The following NRCAM variants were observed in gnomAD, a reference collection of about 807,000 sequenced individuals.
The protein encoded by NRCAM is NgCAM-related cell adhesion molecule.
Under a neutral mutation model 156.5 loss-of-function variants are expected in NRCAM, and 83 were observed. The ratio of observed to expected loss-of-function variants is 0.53; its 90% CI spans 0.44 to 0.64. NRCAM has a LOEUF of 0.64. Among genes scored for constraint, NRCAM ranks in the 30% least tolerant of loss-of-function variants. The pLI is 0.00. For missense variants in NRCAM, 1,417 were observed against 1,597.3 expected (o/e 0.89, Z 1.92); for synonymous variants, 538 against 563.9 (o/e 0.95, Z 0.65).
At chr7:108,373,409 C>T (rs982507980) in intron 2 of NRCAM, among the ~76,000 whole-genome samples, 1 of 152,106 alleles carries the variant, frequency 6.6e-6, no homozygotes, top group Non-Finnish European at 1.5e-5. Context: ...AAAAATGGCA[C>T]AAGGACATGG....
chr7:108,439,217 C>A (rs1835705183), intron 1 of NRCAM, among the ~76,000 whole-genome samples: 1 of 151,974 alleles, frequency 6.6e-6, no homozygotes, highest in Middle Eastern at 3.4e-3. Context: ...AAAGCACAAG[C>A]AACAAAAGAA....
intron 2 of NRCAM, among the ~76,000 whole-genome samples, chr7:108,338,665 CAA>C (rs1449085449): frequency 6.7e-6 from 1 of 150,364 alleles, no homozygotes; most frequent in Admixed American, 6.6e-5. Flanking sequence ...GGCAGAGAGA[CAA>C]AGAGGGAGTC....
intron 1 of NRCAM, among the ~76,000 whole-genome samples, chr7:108,404,067 G>C (rs1458575057): frequency 6.6e-6 from 1 of 152,098 alleles, no homozygotes; most frequent in Admixed American, 6.5e-5. Context: ...CCTGCCCAGA[G>C]CAATTTAACC....
At chr7:108,433,296 T>C (rs1828028326) in intron 1 of NRCAM, among the ~76,000 whole-genome samples, 1 of 152,144 alleles carries the variant, frequency 6.6e-6, no homozygotes, top group African/African-American at 2.4e-5. Flanking sequence ...TACACACTTG[T>C]AGCAGTCAGT....
chr7:108,377,214 T>C (rs1001460523), intron 2 of NRCAM, among the ~76,000 whole-genome samples: 8 of 152,136 alleles, frequency 5.3e-5, no homozygotes, highest in African/African-American at 1.7e-4. Flanking sequence ...TATTGTATTC[T>C]TGAAACAGAA....
chr7:108,322,455 C>A (rs139475427), intron 2 of NRCAM, among the ~76,000 whole-genome samples: 1 of 152,314 alleles, frequency 6.6e-6, no homozygotes, highest in Admixed American at 6.5e-5. Flanking sequence ...GGACTTGGGA[C>A]CTCCTAATGA....
chr7:108,417,380 AAG>A (rs1412076451), intron 1 of NRCAM, among the ~76,000 whole-genome samples: 1 of 152,192 alleles, frequency 6.6e-6, no homozygotes, highest in African/African-American at 2.4e-5. Flanking sequence ...GCAGAAGGAC[AAG>A]AGAGAGCAAG....
rs2098734118 is a variant in NRCAM at position 108,307,458 on chromosome 7, C to G, written c.-107+5207G>C. Among the ~76,000 whole-genome samples the G allele has an allele frequency of 2.6e-5, 4 of 152,308 alleles. No homozygotes were observed. In the South Asian group the frequency reaches 8.3e-4, roughly 32 times the overall value. ...TGCACCATATCCTACTCGACTCTTT[C>G]AATAGAAATCATTCTCTCCTGTATT... is the stretch of plus-strand genomic sequence containing the variant. On this transcript the variant is annotated intron_variant, in intron 3 of 32. Transcript: ENST00000379028.
At position 108,408,216 on chromosome 7, in the gene NRCAM, T is replaced by C. The variant is rs575107974; in HGVS notation, c.-331-8623A>G. ...ATTGCCTATCGTGTACTAGGTACTA[T>C]GCTAGGTAGCACATAGATTATATGC... On this transcript the variant is annotated intron_variant, in intron 1 of 32. Transcript: ENST00000379028. 5.3e-5 allele frequency among the ~76,000 whole-genome samples: 8 copies of C among 152,356 alleles called. No homozygotes were observed. In the East Asian group the frequency reaches 7.7e-4, roughly 15 times the overall value.
At chr7:108,349,705 G>A (rs540297219) in intron 2 of NRCAM, among the ~76,000 whole-genome samples, 3 of 151,976 alleles carry the variant, frequency 2.0e-5, no homozygotes, top group African/African-American at 7.3e-5. Context: ...TGAATAAATA[G>A]GAAGCACTCC....
chr7:108,455,915 T>A (rs1317900506), intron 1 of NRCAM, among the ~76,000 whole-genome samples: 1 of 152,040 alleles, frequency 6.6e-6, no homozygotes, highest in East Asian at 1.9e-4. Context: ...CCGGAAAGCG[T>A]GGGGTGCGGG....
rs534319924 is a variant in NRCAM at position 108,251,020 on chromosome 7, T to A, written c.-106-10850A>T. 2.0e-5 allele frequency among the ~76,000 whole-genome samples: 3 copies of A among 152,028 alleles called. No individual in the cohort carries two copies. In the South Asian group the frequency reaches 6.2e-4, roughly 32 times the overall value. On this transcript the variant is annotated intron_variant, in intron 3 of 32. Transcript: ENST00000379028. ...CAAAGTATCTAGCCTCCTAGAAGAG[T>A]CAGAACAGAAAAACCTCTGGTTTTT...
chr7:108,286,621 T>C (rs2098112136), intron 3 of NRCAM, among the ~76,000 whole-genome samples: 1 of 145,304 alleles, frequency 6.9e-6, no homozygotes, highest in African/African-American at 2.4e-5. Context: ...TATTTAATCC[T>C]CCCAAATCCT....
intron 3 of NRCAM, among the ~76,000 whole-genome samples, chr7:108,312,020 C>G (rs1185830318): frequency 6.6e-6 from 1 of 152,070 alleles, no homozygotes; most frequent in Non-Finnish European, 1.5e-5. Context: ...AAGTTCAGTA[C>G]TATAATAGAT....
intron 32 of NRCAM, among the ~76,000 whole-genome samples, chr7:108,157,269 C>G (rs908007402): frequency 6.6e-6 from 1 of 152,082 alleles, no homozygotes; most frequent in Non-Finnish European, 1.5e-5. Context: ...GTCTTTCTTT[C>G]CTGAGAAACT....
rs6958498 is a variant in NRCAM, at chr7:108,194,169, G to C, written c.1633C>G (p.Pro545Ala). The change falls in exon 17 of 33, where the codon CCT (proline) becomes GCT (alanine). Residue 545 changes from proline (P) to alanine (A), a missense_variant and splice_region_variant. Physicochemically the swap from Pro to Ala is conservative, Grantham distance 27. Transcript: ENST00000379028. The part of the protein sequence containing the change: ...KNEVHLEIKD[P>A]TWIVKQPEYA... ...TCGGGCTGTTTAACGATCCATGTAG[G>C]ATCTGAAATGTAGAGTCATCGTTAT... 1,235,538 of 1,612,338 alleles carry C rather than the reference G, an allele frequency of 0.77. 477,553 individuals are homozygous for C. The highest frequency in any genetic ancestry group is 0.87 in the East Asian group (39,168 of 44,858).
chr7:108,159,212 A>G lies in NRCAM; in HGVS notation c.3677+251T>C, dbSNP rs536483058. 1.8e-4 allele frequency: 118 copies of G among 660,122 alleles called. No individual in the cohort carries two copies. In the African/African-American group the frequency reaches 1.9e-3, roughly 11 times the overall value. The allele number at this position is 660,122 out of a possible 1,614,324, so 40.9% of individuals were successfully genotyped here. A position where few individuals can be genotyped will look rare whatever the true frequency, so the allele number is the denominator to read the frequency against. On this transcript the variant is annotated intron_variant, in intron 32 of 32. Coordinates refer to ENST00000379028, the MANE Select transcript of NRCAM (RefSeq NM_001037132.4). Reference sequence around the variant, plus strand: ...AGATTGATCAATACAGCATGGTCCCATGGAAAATATGACAAAGTGGGAGAC... The same window carrying G: ...AGATTGATCAATACAGCATGGTCCCGTGGAAAATATGACAAAGTGGGAGAC...
At chr7:108,190,505 G>A (rs2153435453) in intron 19 of NRCAM, among the ~76,000 whole-genome samples, 1 of 152,204 alleles carries the variant, frequency 6.6e-6, no homozygotes, top group South Asian at 2.1e-4. Flanking sequence ...TCATAAAGCA[G>A]TAAATGTCTA....
At chr7:108,165,219 GACCTTT>G (rs1239348210) in intron 30 of NRCAM, among the ~76,000 whole-genome samples, 1 of 152,160 alleles carries the variant, frequency 6.6e-6, no homozygotes, top group Non-Finnish European at 1.5e-5. Flanking sequence ...TTGGCCTGTG[GACCTTT>G]GTGACCCTGC....
Sources: gnomAD v4.1 joint callset for allele counts (sites outside exome capture counted in the v4.1 genomes callset) on GRCh38, gnomAD v4.1.1 for gene constraint, MANE v1.5 for transcripts, NCBI Gene and HGNC (gene_info 2026-07-23, HGNC 2026-07-21) for gene names.